WWOX: variants seen among roughly 807,000 people sequenced by gnomAD.
WWOX encodes the protein WW domain-containing oxidoreductase.
In WWOX, 69 loss-of-function variants were observed where a neutral mutation model predicts 46.2. The ratio of observed to expected loss-of-function variants is 1.49; its 90% CI spans 1.23 to 1.82. The LOEUF (loss-of-function observed/expected upper bound fraction) is 1.82, where lower values mean the gene tolerates loss of function less well. WWOX is among the 40% of genes most tolerant of loss of function. The pLI is 0.00. For missense variants in WWOX, 919 were observed against 542.6 expected (o/e 1.69, Z -6.89); for synonymous variants, 359 against 202.6 (o/e 1.77, Z -6.56).
At chr16:79,105,785 C>A (rs903757592) in intron 8 of WWOX, among the ~76,000 whole-genome samples, 1 of 152,044 alleles carries the variant, frequency 6.6e-6, no homozygotes, top group African/African-American at 2.4e-5. Context: ...ACCTCATCCT[C>A]CCAAATACCT....
At chr16:78,809,706 T>C (rs1307046017) in intron 8 of WWOX, among the ~76,000 whole-genome samples, 1 of 152,140 alleles carries the variant, frequency 6.6e-6, no homozygotes, top group Non-Finnish European at 1.5e-5. Flanking sequence ...AATGAGGCCA[T>C]GTGGGCTTTG....
At chr16:78,194,502 T>A (rs8048598) in intron 5 of WWOX, among the ~76,000 whole-genome samples, 29,265 of 149,588 alleles carry the variant, frequency 0.2, 3,167 homozygotes, top group South Asian at 0.37. Flanking sequence ...GTGGGAGAAT[T>A]GCTTGAGCCT....
At chr16:79,130,379 C>T (rs926027930) in intron 8 of WWOX, among the ~76,000 whole-genome samples, 3 of 152,050 alleles carry the variant, frequency 2.0e-5, no homozygotes, top group Non-Finnish European at 2.9e-5. Flanking sequence ...ATAAATAGTG[C>T]ATTAGTATTA....
At chr16:78,581,282 G>A (rs765749887) in intron 8 of WWOX, among the ~76,000 whole-genome samples, 1 of 152,164 alleles carries the variant, frequency 6.6e-6, no homozygotes. Flanking sequence ...TGTGGCTATT[G>A]TATTCATTGG....
intron 5 of WWOX, among the ~76,000 whole-genome samples, chr16:78,178,825 C>T (rs571687363): frequency 2.0e-5 from 3 of 150,124 alleles, no homozygotes; most frequent in African/African-American, 7.4e-5. Context: ...GGTGGTGCCA[C>T]TGCATTCCAG....
intron 8 of WWOX, among the ~76,000 whole-genome samples, chr16:79,074,926 A>G (rs141154717): frequency 6.6e-6 from 1 of 152,288 alleles, no homozygotes; most frequent in Non-Finnish European, 1.5e-5. Flanking sequence ...TGTAGTATAT[A>G]CAACAGATGT....
Position 78,874,083 on chromosome 16 carries a change from C to T in WWOX, c.1057-337525C>T, listed in dbSNP as rs578060144. Reference sequence around the variant, plus strand: ...GAAACCAGCCTGACCAACCCTGTCTCTACTAAAATTATTTAAAAAAAAAAT... The same window carrying T: ...GAAACCAGCCTGACCAACCCTGTCTTTACTAAAATTATTTAAAAAAAAAAT... On this transcript the variant is annotated intron_variant, in intron 8 of 8. Coordinates refer to ENST00000566780, the MANE Select transcript of WWOX (RefSeq NM_016373.4). 5.7e-4 allele frequency among the ~76,000 whole-genome samples: 85 copies of T among 148,528 alleles called. 2 individuals are homozygous for T. The South Asian group carries it at 0.018, about 31-fold the overall frequency.
chr16:78,767,354 T>C (rs1231709019), intron 8 of WWOX, among the ~76,000 whole-genome samples: 2 of 152,086 alleles, frequency 1.3e-5, no homozygotes, highest in East Asian at 3.9e-4. Context: ...TGGCTGATCT[T>C]GAACTCCTGT....
intron 8 of WWOX, among the ~76,000 whole-genome samples, chr16:78,858,855 C>A (rs1400760767): frequency 1.3e-5 from 2 of 151,074 alleles, no homozygotes; most frequent in Non-Finnish European, 3.0e-5. Context: ...ATTTTTTGAA[C>A]TTTTTTGTAG....
intron 6 of WWOX, among the ~76,000 whole-genome samples, chr16:78,405,391 A>T (rs1403839649): frequency 1.3e-5 from 2 of 152,234 alleles, no homozygotes; most frequent in African/African-American, 2.4e-5. Context: ...TTATTATTTT[A>T]ATACTTGATG....
intron 8 of WWOX, among the ~76,000 whole-genome samples, chr16:79,060,378 G>A (rs555170542): frequency 6.6e-6 from 1 of 152,350 alleles, no homozygotes; most frequent in East Asian, 1.9e-4. Context: ...CCGTTAATTG[G>A]TAAGGTTCTT....
At chr16:78,939,872 G>A (rs920640777) in intron 8 of WWOX, among the ~76,000 whole-genome samples, 5 of 152,176 alleles carry the variant, frequency 3.3e-5, no homozygotes, top group Admixed American at 2.6e-4. Flanking sequence ...ACGTGTGGAC[G>A]TTGTTTTTGA....
chr16:78,364,032 C>T (rs1211481579), intron 5 of WWOX, among the ~76,000 whole-genome samples: 1 of 152,172 alleles, frequency 6.6e-6, no homozygotes, highest in East Asian at 1.9e-4. Flanking sequence ...TTTCTCTTGG[C>T]CCCGTGCCAC....
intron 8 of WWOX, among the ~76,000 whole-genome samples, chr16:79,090,902 T>A (rs2048946480): frequency 6.6e-6 from 1 of 152,324 alleles, no homozygotes; most frequent in Admixed American, 6.5e-5. Flanking sequence ...CAAACAATTG[T>A]CCTGCCTCAG....
chr16:78,952,545 G>C (rs2046083097), intron 8 of WWOX, among the ~76,000 whole-genome samples: 1 of 151,916 alleles, frequency 6.6e-6, no homozygotes, highest in South Asian at 2.1e-4. Context: ...AGCACACCTG[G>C]CTAATTTTTG....
At chr16:78,673,421 G>C (rs967628971) in intron 8 of WWOX, among the ~76,000 whole-genome samples, 2 of 152,084 alleles carry the variant, frequency 1.3e-5, no homozygotes, top group South Asian at 2.1e-4. Context: ...TGAACATTTT[G>C]AACACTGTTG....
chr16:78,315,177 G>A (rs755962660), intron 5 of WWOX, among the ~76,000 whole-genome samples: 3 of 152,134 alleles, frequency 2.0e-5, no homozygotes, highest in Non-Finnish European at 4.4e-5. Flanking sequence ...TGAACGCGAG[G>A]CCAAAGTAGA....
At chr16:78,719,350 C>T (rs2048640850) in intron 8 of WWOX, among the ~76,000 whole-genome samples, 1 of 152,210 alleles carries the variant, frequency 6.6e-6, no homozygotes, top group Non-Finnish European at 1.5e-5. Flanking sequence ...CGTGAGACCA[C>T]CATTTGCTAA....
At chr16:78,872,104 T>C (rs1014130072) in intron 8 of WWOX, among the ~76,000 whole-genome samples, 9 of 152,206 alleles carry the variant, frequency 5.9e-5, no homozygotes, top group African/African-American at 2.2e-4. Context: ...CCACTTCTAA[T>C]GAGGAATTAG....
Sources: gnomAD v4.1 joint callset for allele counts (sites outside exome capture counted in the v4.1 genomes callset) on GRCh38, gnomAD v4.1.1 for gene constraint, MANE v1.5 for transcripts, NCBI Gene and HGNC (gene_info 2026-07-23, HGNC 2026-07-21) for gene names.